Variants in ELAC2 observed in about 807,000 individuals in gnomAD.
ELAC2 encodes the protein zinc phosphodiesterase ELAC protein 2.
In ELAC2, 92 loss-of-function variants were observed where a neutral mutation model predicts 105.2. That is an observed-to-expected ratio of 0.87 (90% CI 0.74 to 1.04). ELAC2 has a LOEUF of 1.04. Among genes scored for constraint, ELAC2 ranks in the 50% least tolerant of loss-of-function variants. ELAC2 has a pLI of 0.00. For synonymous variants in ELAC2, 468 were observed against 409.1 expected, an observed-to-expected ratio of 1.14 and a Z score of -1.74; for missense variants, 1,099 against 1,071.7, an observed-to-expected ratio of 1.03 and a Z score of -0.36.
chr17:13,016,905 T>C lies in ELAC2; in HGVS notation c.324A>G (p.Ile108Met). The change falls in exon 3 of 24, where the codon ATA becomes ATG. Residue 108 changes from isoleucine to methionine, a missense_variant. Physicochemically the swap from Ile to Met is conservative, Grantham distance 10. Transcript: ENST00000338034. Reference sequence around the variant, plus strand: ...TAGACCAGTGCATTCGTGTCAGGAATATGTTGTCCAGGCGAGCAACCTTTA... The same window carrying C: ...TAGACCAGTGCATTCGTGTCAGGAACATGTTGTCCAGGCGAGCAACCTTTA... ...HKLKVARLDN[I>M]FLTRMHWSNV... 3.7e-6 allele frequency: 6 copies of C among 1,614,174 alleles called. No homozygotes were observed. The highest frequency in any genetic ancestry group is 5.1e-6 in the Non-Finnish European group (6 of 1,180,026).
At chr17:13,011,946 G>T (rs562050263) in intron 6 of ELAC2, among the ~76,000 whole-genome samples, 164 bp from the exon 7 acceptor site, 1 of 152,294 alleles carries the variant, frequency 6.6e-6, no homozygotes, top group East Asian at 1.9e-4. Context: ...TGGTTTCTGG[G>T]CTGCACCTAT....
intron 6 of ELAC2, among the ~76,000 whole-genome samples, chr17:13,012,395 G>A (rs955850691): frequency 6.6e-6 from 1 of 152,188 alleles, no homozygotes; most frequent in African/African-American, 2.4e-5. Flanking sequence ...GCTACAGCAG[G>A]GGTCAGGTGA....
At chr17:13,014,765 T>C (rs186123337) in intron 4 of ELAC2, among the ~76,000 whole-genome samples, 1 of 152,316 alleles carries the variant, frequency 6.6e-6, no homozygotes, top group East Asian at 1.9e-4. Context: ...AGTGGCATTA[T>C]GCTAAGTGCT....
intron 6 of ELAC2, among the ~76,000 whole-genome samples, chr17:13,012,974 C>A (rs577886524): frequency 1.3e-5 from 2 of 152,324 alleles, no homozygotes; most frequent in East Asian, 3.9e-4. Flanking sequence ...ACCAACAGTG[C>A]TTGATTATCT....
chr17:12,993,760 T>C lies in ELAC2; in HGVS notation c.2180A>G (p.Gln727Arg), dbSNP rs1291181397. 1 of 1,614,194 alleles carries C rather than the reference T, an allele frequency of 6.2e-7. No individual in the cohort carries two copies. The highest frequency in any genetic ancestry group is 8.5e-7 in the Non-Finnish European group (1 of 1,180,034). ...GAAGAGGGGGACCTTGGCATAGCGC[T>C]GGCTGAAGTGGTTCAGCATAATGAA... ...AEFIMLNHFS[Q>R]RYAKVPLFSP... The change falls in exon 23 of 24, where the codon CAG (glutamine) becomes CGG (arginine). Residue 727 changes from glutamine (Q) to arginine (R), a missense_variant. Coordinates refer to ENST00000338034, the MANE Select transcript of ELAC2 (RefSeq NM_018127.7).
At chr17:13,012,423 G>C (rs1219004471) in intron 6 of ELAC2, among the ~76,000 whole-genome samples, 1 of 152,238 alleles carries the variant, frequency 6.6e-6, no homozygotes, top group African/African-American at 2.4e-5. Context: ...CATCTGAGCA[G>C]GAGGAGCAAG....
rs1043084721 is a variant in ELAC2 at position 12,992,123 on chromosome 17, TTGATTTGA to T, written c.*687_*694del. ...ACCAGCCCAGCCAGGCTCTCACTGA[TTGATTTGA>T]TTGATTGATTGATTGATTGATAGAG... On this transcript the variant is annotated 3_prime_UTR_variant, in exon 24 of 24. Coordinates refer to ENST00000338034, the MANE Select transcript of ELAC2 (RefSeq NM_018127.7). 2.9e-5 allele frequency among the ~76,000 whole-genome samples: 4 copies of T among 137,246 alleles called. No homozygotes were observed. The highest frequency in any genetic ancestry group is 1.0e-4 in the African/African-American group (4 of 38,168). 90.0% of individuals were successfully genotyped at this position (137,246 alleles called of 152,430 possible).
rs770303295 is a variant in ELAC2 at position 13,010,585 on chromosome 17, G to A, written c.738+28C>T. On this transcript the variant is annotated intron_variant, in intron 8 of 23. Coordinates refer to ENST00000338034, the MANE Select transcript of ELAC2 (RefSeq NM_018127.7). ...GGTCGCTGACCAAGACCCCAGTCAT[G>A]TACAGCCCTCCGGAAAGTCTTCCTT... 6 of 1,611,598 alleles carry A rather than the reference G, an allele frequency of 3.7e-6. No homozygotes were observed. In the East Asian group the frequency reaches 1.1e-4, roughly 30 times the overall value.
In ELAC2 at chr17:13,018,022, C is replaced by G. The variant is rs1598281929; in HGVS notation, c.-75G>C. On this transcript the variant is annotated 5_prime_UTR_variant, in exon 1 of 24. Coordinates refer to ENST00000338034, the MANE Select transcript of ELAC2 (RefSeq NM_018127.7). ...GTTTCCCGTGCACCACCTAGCCGCT[C>G]CGCATGGCGGATCCAGCCAATCAGC... 3.3e-6 allele frequency: 5 copies of G among 1,530,488 alleles called. No homozygotes were observed. In the East Asian group the frequency reaches 9.8e-5, roughly 30 times the overall value. 94.8% of individuals were successfully genotyped at this position (1,530,488 alleles called of 1,614,324 possible). A position where few individuals can be genotyped will look rare whatever the true frequency, so the allele number is the denominator to read the frequency against.
intron 7 of ELAC2, among the ~76,000 whole-genome samples, chr17:13,011,383 G>T (rs779740118): frequency 7.9e-5 from 12 of 152,294 alleles, no homozygotes; most frequent in Admixed American, 3.9e-4. Flanking sequence ...GAATCCGTTT[G>T]TCAGGCCCTG....
intron 14 of ELAC2, among the ~76,000 whole-genome samples, chr17:13,001,499 A>G (rs908806895): frequency 1.8e-4 from 28 of 151,972 alleles, no homozygotes; most frequent in Non-Finnish European, 2.1e-4. Flanking sequence ...TCTCAAAAAA[A>G]TAAATAAATA....
Position 12,992,693 on chromosome 17 carries a change from C to T in ELAC2, c.*125G>A. Reference sequence around the variant, plus strand: ...CCCAAGCCTCGGCACAGCTCCATACCACCTATCCTGAGCTGCCTCCTGGGG... The same window carrying T: ...CCCAAGCCTCGGCACAGCTCCATACTACCTATCCTGAGCTGCCTCCTGGGG... On this transcript the variant is annotated 3_prime_UTR_variant, in exon 24 of 24. Transcript: ENST00000338034. 1 of 1,158,638 alleles carries T rather than the reference C, an allele frequency of 8.6e-7. No homozygotes were observed. Among genetic ancestry groups the T allele is most frequent in the Non-Finnish European group, 1.3e-6 (1 of 799,478 alleles). 71.8% of individuals were successfully genotyped at this position (1,158,638 alleles called of 1,614,324 possible).
At position 13,011,797 on chromosome 17, in the gene ELAC2, T is replaced by C. The variant is rs2041429226; in HGVS notation, c.560-15A>G. 4 of 1,614,146 alleles carry C rather than the reference T, an allele frequency of 2.5e-6. No homozygotes were observed. The highest frequency in any genetic ancestry group is 8.5e-7 in the Non-Finnish European group (1 of 1,180,006). On this transcript the variant is annotated splice_polypyrimidine_tract_variant and intron_variant, in intron 6 of 23. Transcript: ENST00000338034. ...CCTCTGTTCACCTGGTCAGTACAGA[T>C]ACCACCAAATTACACACTGCACAAG... is the stretch of plus-strand genomic sequence containing the variant.
intron 8 of ELAC2, among the ~76,000 whole-genome samples, chr17:13,007,354 G>A (rs535726173): frequency 4.1e-4 from 62 of 152,120 alleles, no homozygotes; most frequent in African/African-American, 1.4e-3. Flanking sequence ...AGAGTTACTC[G>A]TAGGGCTGAG....
chr17:13,008,929 T>C (rs2041255900), intron 8 of ELAC2, among the ~76,000 whole-genome samples: 2 of 152,202 alleles, frequency 1.3e-5, no homozygotes, highest in Admixed American at 6.5e-5. Context: ...GGCTGCCTGA[T>C]AATAGGGCAA....
rs75086383 is a variant in ELAC2 at position 13,011,427 on chromosome 17, C to T, written c.679+236G>A. ...TGGGAAAACAGAACACAGTTTTGGG[C>T]CTACCCAGACCCTGGGTGGCCAAAA... On this transcript the variant is annotated intron_variant, in intron 7 of 23. Transcript: ENST00000338034. Among the ~76,000 whole-genome samples the T allele has an allele frequency of 5.1e-3, 775 of 152,270 alleles. 7 individuals are homozygous for T. The highest frequency in any genetic ancestry group is 0.018 in the African/African-American group (747 of 41,558).
chr17:13,010,748 T>C (rs1281747058), intron 7 of ELAC2, 77 bp from the exon 8 acceptor site: 3 of 1,313,876 alleles, frequency 2.3e-6, no homozygotes, highest in East Asian at 4.6e-5. Flanking sequence ...TATGACCCGA[T>C]ACCTAATTTC....
chr17:13,002,347 T>C lies in ELAC2; in HGVS notation c.1231A>G (p.Thr411Ala). Residue 411 changes from threonine (T) to alanine (A), a missense_variant, in exon 14 of 24, where the codon ACC becomes GCC. Thr to Ala is a moderately conservative substitution (Grantham distance 58, BLOSUM62 0). Coordinates refer to ENST00000338034, the MANE Select transcript of ELAC2 (RefSeq NM_018127.7). ...CCCTGAACCATGGGCACACTGAGGG[T>C]GGGGCCCTCCTTCTGAAAGAGACAA... ...TSFRCKKEGPTLSVPMVQGEC... is the reference protein window; with the variant it reads ...TSFRCKKEGPALSVPMVQGEC... The C allele has an allele frequency of 1.9e-6, 3 of 1,613,974 alleles. No homozygotes were observed. Among genetic ancestry groups the C allele is most frequent in the Non-Finnish European group, 2.5e-6 (3 of 1,179,994 alleles).
At position 13,017,753 on chromosome 17, in the gene ELAC2, C is replaced by T. The variant is rs377291764; in HGVS notation, c.195G>A (p.Ala65=). 2.6e-4 allele frequency: 416 copies of T among 1,611,946 alleles called. No homozygotes were observed. Among genetic ancestry groups the T allele is most frequent in the Non-Finnish European group, 3.4e-4 (402 of 1,179,496 alleles). ...PNTVYLQVVA[A]GSRDSGAALY... ...GCGCGGCGCCCGAGTCCCGGCTACC[C>T]GCTGCCACCACCTGCAGGTACACGG... is the stretch of plus-strand genomic sequence containing the variant. The change falls in exon 1 of 24, where the codon GCG becomes GCA. Residue 65 remains alanine, a synonymous_variant. Coordinates refer to ENST00000338034, the MANE Select transcript of ELAC2 (RefSeq NM_018127.7).
Sources: gnomAD v4.1 joint callset for allele counts (sites outside exome capture counted in the v4.1 genomes callset) on GRCh38, gnomAD v4.1.1 for gene constraint, MANE v1.5 for transcripts, NCBI Gene and HGNC (gene_info 2026-07-23, HGNC 2026-07-21) for gene names.